The following INPP5B variants were observed in gnomAD, a reference collection of about 807,000 sequenced individuals.
The protein encoded by INPP5B is inositol polyphosphate-5-phosphatase B, also known as type II inositol 1,4,5-trisphosphate 5-phosphatase.
INPP5B carries 90 observed loss-of-function variants against 118.5 expected under a neutral mutation model. The ratio of observed to expected loss-of-function variants is 0.76; its 90% confidence interval spans 0.64 to 0.90. The LOEUF is 0.90. Among genes scored for constraint, INPP5B ranks in the 40% least tolerant of loss-of-function variants. The pLI, the probability that INPP5B is intolerant of heterozygous loss-of-function variation, is 0.00. For missense variants in INPP5B, 984 were observed against 1,125.6 expected (o/e 0.87, Z 1.80); for synonymous variants, 385 against 418.9 (o/e 0.92, Z 0.99).
At chr1:37,876,526 G>A (rs1384042400) in intron 16 of INPP5B, among the ~76,000 whole-genome samples, 1 of 139,194 alleles carries the variant, frequency 7.2e-6, no homozygotes, top group Non-Finnish European at 1.5e-5. Context: ...GACCAGTCTG[G>A]GCAAGACAGC....
At chr1:37,866,026 G>A in intron 21 of INPP5B, 138 bp from the exon 22 acceptor site, 9 of 1,379,252 alleles carry the variant, frequency 6.5e-6, no homozygotes, top group African/African-American at 1.4e-5. Context: ...CTAACTTCTC[G>A]AAGGGACCAC....
chr1:37,909,251 C>T (rs1200477769), intron 7 of INPP5B, among the ~76,000 whole-genome samples: 6 of 152,094 alleles, frequency 3.9e-5, no homozygotes, highest in African/African-American at 1.4e-4. Context: ...CTTCAGTCTC[C>T]ACCCCAAGCT....
chr1:37,876,113 T>G (rs1213340558), intron 16 of INPP5B, among the ~76,000 whole-genome samples: 2 of 151,800 alleles, frequency 1.3e-5, no homozygotes, highest in South Asian at 2.1e-4. Context: ...GTTTGTTTTT[T>G]TTTTTTTTTT....
At chr1:37,873,196 C>G (rs745873501) in intron 18 of INPP5B, 31 bp from the exon 19 acceptor site, 10 of 1,508,740 alleles carry the variant, frequency 6.6e-6, no homozygotes, top group Non-Finnish European at 9.2e-6. Context: ...TAATGTTGGC[C>G]GGGGGCAGGC....
intron 7 of INPP5B, among the ~76,000 whole-genome samples, chr1:37,916,479 C>G (rs371686375): frequency 3.3e-5 from 5 of 151,020 alleles, no homozygotes; most frequent in African/African-American, 4.9e-5. Flanking sequence ...TGCAATGGCA[C>G]GATCTCGGCT....
Position 37,886,921 on chromosome 1 carries a change from G to C in INPP5B, c.1098C>G (p.Ala366=), listed in dbSNP as rs200506068. Residue 366 remains alanine, a synonymous_variant, in exon 12 of 24, where the codon GCC becomes GCG. Transcript: ENST00000373024. Reference sequence around the variant, plus strand: ...CCATGATTCCTGTCCCCACAGTCTCGGCTTCCACTTCTGAGATATAAGCTG... The same window carrying C: ...CCATGATTCCTGTCCCCACAGTCTCCGCTTCCACTTCTGAGATATAAGCTG... The part of the protein sequence containing the change: ...EHAAYISEVE[A]ETVGTGIMGR... The C allele has an allele frequency of 1.9e-6, 3 of 1,614,056 alleles. No homozygotes were observed. Among genetic ancestry groups the C allele is most frequent in the Non-Finnish European group, 2.5e-6 (3 of 1,180,006 alleles).
chr1:37,890,596 A>T (rs1414143700), intron 8 of INPP5B, among the ~76,000 whole-genome samples: 1 of 152,172 alleles, frequency 6.6e-6, no homozygotes, highest in Non-Finnish European at 1.5e-5. Flanking sequence ...CAGACTTCAG[A>T]TATTTATATA....
rs191317836 is a variant in INPP5B at position 37,883,440 on chromosome 1, G to A, written c.1320-522C>T. 3.0e-6 allele frequency: 3 copies of A among 985,420 alleles called. No homozygotes were observed. In the East Asian group the frequency reaches 3.4e-4, roughly 112 times the overall value. The allele number at this position is 985,420 out of a possible 1,614,324, so 61.0% of individuals were successfully genotyped here. Reference sequence around the variant, plus strand: ...AGTATATCATTGGTTGGCTCTTTCTGTACTGCAGAGTGGAGTGTAGAAGGT... The same window carrying A: ...AGTATATCATTGGTTGGCTCTTTCTATACTGCAGAGTGGAGTGTAGAAGGT... On this transcript the variant is annotated intron_variant, in intron 13 of 23. Coordinates refer to ENST00000373024, the MANE Select transcript of INPP5B (RefSeq NM_005540.3).
chr1:37,937,859 T>C (rs1241939449), intron 6 of INPP5B, among the ~76,000 whole-genome samples: 1 of 151,450 alleles, frequency 6.6e-6, no homozygotes, highest in Admixed American at 6.6e-5. Flanking sequence ...TCCTAGCTAC[T>C]TGGGAGGCTG....
intron 6 of INPP5B, among the ~76,000 whole-genome samples, chr1:37,940,440 C>T (rs1645868863): frequency 6.6e-6 from 1 of 152,174 alleles, no homozygotes; most frequent in African/African-American, 2.4e-5. Flanking sequence ...CTATCCTGTG[C>T]AACCCTGCCC....
intron 7 of INPP5B, among the ~76,000 whole-genome samples, chr1:37,919,164 T>G (rs941158487): frequency 6.6e-6 from 1 of 152,142 alleles, no homozygotes; most frequent in Non-Finnish European, 1.5e-5. Flanking sequence ...ATAGAAGGTT[T>G]AAATCTGTTT....
At chr1:37,945,371 T>TGCA (rs1431235717) in intron 3 of INPP5B, among the ~76,000 whole-genome samples, 1 of 150,562 alleles carries the variant, frequency 6.6e-6, no homozygotes, top group Non-Finnish European at 1.5e-5. Context: ...ACGCAGAGGT[T>TGCA]GCAGTGAGCC....
At chr1:37,890,990 G>A (rs1194990594) in intron 8 of INPP5B, among the ~76,000 whole-genome samples, 3 of 152,258 alleles carry the variant, frequency 2.0e-5, no homozygotes, top group East Asian at 3.9e-4. Context: ...ACTTTGGGAA[G>A]CCAAGATGGG....
intron 7 of INPP5B, among the ~76,000 whole-genome samples, chr1:37,905,765 T>C (rs1046745493): frequency 1.3e-5 from 2 of 152,216 alleles, no homozygotes; most frequent in African/African-American, 4.8e-5. Context: ...AGCTGAAATG[T>C]TCATGAATGT....
chr1:37,882,697 G>A, intron 14 of INPP5B, 110 bp downstream of exon 14: 1 of 743,092 alleles, frequency 1.3e-6, no homozygotes, highest in South Asian at 1.7e-5. Context: ...GGAACTCAGG[G>A]AAACCTCCCA....
At chr1:37,918,918 T>C (rs1644962182) in intron 7 of INPP5B, among the ~76,000 whole-genome samples, 1 of 152,214 alleles carries the variant, frequency 6.6e-6, no homozygotes, top group Non-Finnish European at 1.5e-5. Flanking sequence ...CATAGTTAGG[T>C]AATACGTTCA....
intron 19 of INPP5B, 25 bp downstream of exon 19, chr1:37,872,905 T>C (rs1416129036): frequency 6.5e-6 from 10 of 1,549,380 alleles, no homozygotes; most frequent in South Asian, 1.1e-5. Flanking sequence ...AAGTTCTAGA[T>C]GTTTCTTTGT....
At chr1:37,931,714 T>A in intron 7 of INPP5B, 199 bp downstream of exon 7, 1 of 1,552,756 alleles carries the variant, frequency 6.4e-7, no homozygotes, top group East Asian at 2.4e-5. Flanking sequence ...GGCAGACATT[T>A]CCCTGCCTGC....
At chr1:37,915,697 G>C (rs986806083) in intron 7 of INPP5B, among the ~76,000 whole-genome samples, 2 of 152,228 alleles carry the variant, frequency 1.3e-5, no homozygotes, top group African/African-American at 4.8e-5. Flanking sequence ...AGGGTGCACA[G>C]CAAAATGTTA....
Sources: gnomAD v4.1 joint callset for allele counts (sites outside exome capture counted in the v4.1 genomes callset) on GRCh38, gnomAD v4.1.1 for gene constraint, MANE v1.5 for transcripts, NCBI Gene and HGNC (gene_info 2026-07-23, HGNC 2026-07-21) for gene names.